Variants in GTF2IRD1 observed in about 807,000 individuals in gnomAD.
GTF2IRD1 encodes GTF2I repeat domain containing 1.
In GTF2IRD1, 26 loss-of-function variants were observed where a neutral mutation model predicts 113.2. The ratio of observed to expected loss-of-function variants is 0.23; its 90% CI spans 0.17 to 0.32. GTF2IRD1 has a LOEUF of 0.32. Among genes scored for constraint, GTF2IRD1 ranks in the 10% least tolerant of loss-of-function variants. The probability of loss-of-function intolerance (pLI) is 1.00; values close to 1 mark genes in which losing one functional copy is unlikely to be tolerated. For missense variants in GTF2IRD1, 864 were observed against 1,280.8 expected (o/e 0.67, Z 4.97); for synonymous variants, 484 against 529.1 (o/e 0.91, Z 1.17).
chr7:74,600,625 C>T (rs1273957922), intron 25 of GTF2IRD1, among the ~76,000 whole-genome samples: 1 of 152,110 alleles, frequency 6.6e-6, no homozygotes, highest in African/African-American at 2.4e-5. Flanking sequence ...GCACTAGAAT[C>T]GCTTGAACCC....
chr7:74,462,543 G>A (rs1793440303), intron 1 of GTF2IRD1, among the ~76,000 whole-genome samples: 1 of 152,218 alleles, frequency 6.6e-6, no homozygotes, highest in African/African-American at 2.4e-5. Context: ...GTTCCATGGT[G>A]TGGATATGCC....
At chr7:74,543,872 C>CAAAAAAAAA (rs782039486) in intron 14 of GTF2IRD1, among the ~76,000 whole-genome samples, 4 of 34,560 alleles carry the variant, frequency 1.2e-4, no homozygotes, top group African/African-American at 1.9e-4. Context: ...CCCATCTCTA[C>CAAAAAAAAA]AAAAAAAAAA....
At chr7:74,534,834 C>T (rs371096787) in intron 9 of GTF2IRD1, among the ~76,000 whole-genome samples, 8 of 150,576 alleles carry the variant, frequency 5.3e-5, no homozygotes, top group African/African-American at 1.7e-4. Flanking sequence ...ACCCTGGAGG[C>T]GGAGGTTGCC....
At chr7:74,464,449 T>C (rs1793584754) in intron 1 of GTF2IRD1, among the ~76,000 whole-genome samples, 4 of 152,090 alleles carry the variant, frequency 2.6e-5, no homozygotes, top group Admixed American at 2.6e-4. Flanking sequence ...TTTGTTGTTG[T>C]TATTTGTTTG....
chr7:74,546,419 ACCATGTTGG>A (rs1162998106), intron 16 of GTF2IRD1, among the ~76,000 whole-genome samples: 1 of 151,852 alleles, frequency 6.6e-6, no homozygotes, highest in Non-Finnish European at 1.5e-5. Flanking sequence ...ACAGGGCTTC[ACCATGTTGG>A]CCAGGCTGGT....
chr7:74,521,191 T>A lies in GTF2IRD1; in HGVS notation c.917-17T>A, dbSNP rs1554345872. Reference sequence around the variant, plus strand: ...TGGGTCCCACCTGGAACCTTCTTCCTTCTCTCCCTTGTCCAGGACAGAAGC... The same window carrying A: ...TGGGTCCCACCTGGAACCTTCTTCCATCTCTCCCTTGTCCAGGACAGAAGC... On this transcript the variant is annotated splice_polypyrimidine_tract_variant and intron_variant, in intron 6 of 26. Coordinates refer to ENST00000424337, the MANE Select transcript of GTF2IRD1 (RefSeq NM_005685.4). 1 of 1,514,216 alleles carries A rather than the reference T, an allele frequency of 6.6e-7. No individual in the cohort carries two copies. Among genetic ancestry groups the A allele is most frequent in the South Asian group, 1.1e-5 (1 of 88,972 alleles). The allele number at this position is 1,514,216 out of a possible 1,614,324, so 93.8% of individuals were successfully genotyped here.
At chr7:74,565,380 C>T (rs1294131079) in intron 22 of GTF2IRD1, among the ~76,000 whole-genome samples, 3 of 151,978 alleles carry the variant, frequency 2.0e-5, no homozygotes, top group Non-Finnish European at 4.4e-5. Flanking sequence ...CAAAAATTAG[C>T]CAGGCATGGT....
At chr7:74,497,738 C>G (rs1462798618) in intron 1 of GTF2IRD1, among the ~76,000 whole-genome samples, 7 of 152,066 alleles carry the variant, frequency 4.6e-5, no homozygotes, top group Admixed American at 4.6e-4. Flanking sequence ...GAGTTTCACT[C>G]TTGTTGCCCC....
intron 22 of GTF2IRD1, among the ~76,000 whole-genome samples, chr7:74,561,859 C>A (rs587647364): frequency 6.6e-6 from 1 of 152,118 alleles, no homozygotes; most frequent in Non-Finnish European, 1.5e-5. Context: ...AGGAGGTTGA[C>A]GCTAGAGCCC....
intron 22 of GTF2IRD1, among the ~76,000 whole-genome samples, chr7:74,564,803 A>C (rs1415055429): frequency 2.6e-5 from 4 of 152,144 alleles, no homozygotes; most frequent in African/African-American, 9.7e-5. Flanking sequence ...CCAGCTGAGG[A>C]CATCACGTTT....
intron 14 of GTF2IRD1, among the ~76,000 whole-genome samples, chr7:74,540,928 A>AT (rs1562851769): frequency 6.6e-6 from 1 of 151,200 alleles, no homozygotes; most frequent in Non-Finnish European, 1.5e-5. Context: ...CGCCTGGTTA[A>AT]TTTTTTTGTA....
Position 74,519,425 on chromosome 7 carries a change from G to A in GTF2IRD1, c.622G>A (p.Gly208Arg), listed in dbSNP as rs782360633. Residue 208 changes from glycine (G) to arginine (R), a missense_variant, in exon 6 of 27, where the codon GGG (glycine) becomes AGG (arginine). Physicochemically the swap from Gly to Arg is moderately radical, Grantham distance 125. Around this residue, in one of 7 missense-constraint regions of GTF2IRD1, gnomAD observed 195 missense variants for 196.6 expected, o/e 0.99. Coordinates refer to ENST00000424337, the MANE Select transcript of GTF2IRD1 (RefSeq NM_005685.4). ...FKLKRPLEDGGRDSKALVELN... is the reference protein window; with the variant it reads ...FKLKRPLEDGRRDSKALVELN... ...TTTACTCAGGCCACTTGAGGATGGCGGGCGGGACTCGAAGGCCCTGGTGGA... is the reference window on the plus strand; with the variant it reads ...TTTACTCAGGCCACTTGAGGATGGCAGGCGGGACTCGAAGGCCCTGGTGGA... 2.2e-5 allele frequency: 34 copies of A among 1,530,842 alleles called. No homozygotes were observed. Among genetic ancestry groups the A allele is most frequent in the East Asian group, 4.6e-5 (2 of 43,616 alleles). 94.8% of individuals were successfully genotyped at this position (1,530,842 alleles called of 1,614,324 possible). A position where few individuals can be genotyped will look rare whatever the true frequency, so the allele number is the denominator to read the frequency against.
chr7:74,512,331 G>A lies in GTF2IRD1; in HGVS notation c.124-499G>A, dbSNP rs907130292. Among the ~76,000 whole-genome samples the A allele has an allele frequency of 1.3e-5, 2 of 152,182 alleles. No individual in the cohort carries two copies. The highest frequency in any genetic ancestry group is 2.9e-5 in the Non-Finnish European group (2 of 68,028). ...TGTGCCACTGCACTCCAGCCTGGGC[G>A]ACAGAGTGAGACTGTGTCTCAAAAA... On this transcript the variant is annotated intron_variant, in intron 2 of 26. Transcript: ENST00000424337. This position sits in a 1 kb window ranked among gnomAD's most constrained non-coding sequence, Gnocchi z 4.4.
At chr7:74,464,985 C>G (rs1412697991) in intron 1 of GTF2IRD1, among the ~76,000 whole-genome samples, 2 of 152,182 alleles carry the variant, frequency 1.3e-5, no homozygotes, top group African/African-American at 2.4e-5. Context: ...TGGCTCCTTG[C>G]AGCAGACAAG....
chr7:74,456,501 G>A (rs1245104761), intron 1 of GTF2IRD1, among the ~76,000 whole-genome samples: 1 of 152,076 alleles, frequency 6.6e-6, no homozygotes, highest in Non-Finnish European at 1.5e-5. Context: ...GGCCAACATG[G>A]TGAAACCCCA....
chr7:74,578,191 C>A (rs1801192759), intron 22 of GTF2IRD1, among the ~76,000 whole-genome samples: 1 of 151,954 alleles, frequency 6.6e-6, no homozygotes, highest in African/African-American at 2.4e-5. Context: ...ATTTTACTTT[C>A]TTTTTTTTGA....
At chr7:74,524,271 C>T (rs1443682098) in intron 8 of GTF2IRD1, 117 bp downstream of exon 8, 6 of 642,262 alleles carry the variant, frequency 9.3e-6, no homozygotes, top group South Asian at 3.6e-5. Flanking sequence ...GGCTCCCGCG[C>T]GCCGGCACCG....
intron 16 of GTF2IRD1, 50 bp downstream of exon 16, chr7:74,545,859 C>A: frequency 7.2e-7 from 1 of 1,397,278 alleles, no homozygotes; most frequent in Non-Finnish European, 1.0e-6. Context: ...CCCCCTCCAG[C>A]CGCCCTGTTT....
At chr7:74,539,602 G>C (rs1303938000) in intron 13 of GTF2IRD1, among the ~76,000 whole-genome samples, 1 of 152,144 alleles carries the variant, frequency 6.6e-6, no homozygotes, top group Admixed American at 6.6e-5. Flanking sequence ...AAATAAGCCA[G>C]GCATGGTGGC....
Sources: gnomAD v4.1 joint callset for allele counts (sites outside exome capture counted in the v4.1 genomes callset) on GRCh38, gnomAD v4.1.1 for gene constraint, gnomAD v4.1.1 regional missense constraint, Gnocchi (gnomAD v3.1) non-coding constraint, MANE v1.5 for transcripts, NCBI Gene and HGNC (gene_info 2026-07-23, HGNC 2026-07-21) for gene names.